Variants in NBAS observed in about 807,000 individuals in gnomAD.
The protein encoded by NBAS is NAG/BC035112 fusion.
A neutral mutation model predicts 302.5 loss-of-function variants in NBAS; 219 were observed. That is an observed-to-expected ratio of 0.72 (90% confidence interval 0.65 to 0.81). The LOEUF is 0.81. Ranked by LOEUF, NBAS falls within the 30% of genes least tolerant of loss-of-function variation. The pLI, the probability that NBAS is intolerant of heterozygous loss-of-function variation, is 0.00. For synonymous variants in NBAS, 1,118 were observed against 1,021.6 expected (o/e 1.09, Z -1.80); for missense variants, 2,932 against 2,841.6 (o/e 1.03, Z -0.72).
the NBAS span, among the ~76,000 whole-genome samples, chr2:15,055,303 G>A: frequency 6.6e-6 from 1 of 152,210 alleles, no homozygotes; most frequent in Non-Finnish European, 1.5e-5. Flanking sequence ...GAGGAAGACT[G>A]AGATAAGAAC....
At chr2:14,982,167 G>A in the NBAS span, among the ~76,000 whole-genome samples, 1 of 152,152 alleles carries the variant, frequency 6.6e-6, no homozygotes, top group Non-Finnish European at 1.5e-5. Flanking sequence ...ATGCATAGCT[G>A]CTCTGGTTGA....
the NBAS span, among the ~76,000 whole-genome samples, chr2:14,958,060 G>A: frequency 6.6e-6 from 1 of 152,226 alleles, no homozygotes; most frequent in Non-Finnish European, 1.5e-5. Context: ...CATATGGTGA[G>A]TTTGCCTTGT....
downstream of NBAS, among the ~76,000 whole-genome samples, chr2:15,166,059 G>C (rs1332250696): frequency 6.6e-6 from 1 of 152,180 alleles, no homozygotes; most frequent in Non-Finnish European, 1.5e-5. Flanking sequence ...GAGTCTCAGG[G>C]GGGGCGAAGT....
the NBAS span, among the ~76,000 whole-genome samples, chr2:14,783,982 G>A: frequency 6.6e-6 from 1 of 151,922 alleles, no homozygotes; most frequent in Non-Finnish European, 1.5e-5. Flanking sequence ...TCCAGCACCT[G>A]TTGTTTCCTG....
chr2:15,380,292 C>T (rs1674968676), intron 29 of NBAS, among the ~76,000 whole-genome samples: 1 of 152,064 alleles, frequency 6.6e-6, no homozygotes, highest in South Asian at 2.1e-4. Flanking sequence ...TGTCCATAGG[C>T]TGGTCTCAAA....
At chr2:15,107,060 A>C in the NBAS span, among the ~76,000 whole-genome samples, 2 of 152,134 alleles carry the variant, frequency 1.3e-5, no homozygotes, top group African/African-American at 4.8e-5. Flanking sequence ...TCTGGTTCCA[A>C]AAGAAAAATA....
chr2:14,965,574 C>G, the NBAS span, among the ~76,000 whole-genome samples: 70 of 152,256 alleles, frequency 4.6e-4, no homozygotes, highest in Middle Eastern at 3.4e-3. Context: ...AATGGCTACA[C>G]TGGAGAATTC....
the NBAS span, among the ~76,000 whole-genome samples, chr2:14,846,937 G>C: frequency 6.6e-6 from 1 of 151,932 alleles, no homozygotes; most frequent in Non-Finnish European, 1.5e-5. Flanking sequence ...AAAACAAATA[G>C]CAAAAAGGCA....
chr2:14,918,569 C>T, the NBAS span, among the ~76,000 whole-genome samples: 3 of 152,172 alleles, frequency 2.0e-5, no homozygotes, highest in African/African-American at 7.2e-5. Flanking sequence ...AGACCATTAA[C>T]CCAGATGCAA....
intron 44 of NBAS, among the ~76,000 whole-genome samples, chr2:15,271,215 T>C (rs1669306068): frequency 6.6e-6 from 1 of 152,150 alleles, no homozygotes. Flanking sequence ...CTTATGCTGT[T>C]TTCATAACTC....
At chr2:15,539,546 C>T (rs1663696162) in intron 6 of NBAS, among the ~76,000 whole-genome samples, 190 bp from the exon 7 acceptor site, 1 of 152,174 alleles carries the variant, frequency 6.6e-6, no homozygotes, top group South Asian at 2.1e-4. Flanking sequence ...GTGGGAAATA[C>T]AAACCACTGC....
chr2:14,829,860 G>A, the NBAS span, among the ~76,000 whole-genome samples: 17 of 152,304 alleles, frequency 1.1e-4, no homozygotes, highest in East Asian at 1.9e-3. Context: ...TGTGGTTTCC[G>A]AACGTGGCTG....
intron 7 of NBAS, 50 bp downstream of exon 7, chr2:15,539,173 C>A (rs1490525105): frequency 6.2e-7 from 1 of 1,608,592 alleles, no homozygotes; most frequent in African/African-American, 1.3e-5. Flanking sequence ...AGTACCTATA[C>A]ATACATGACA....
intron 36 of NBAS, among the ~76,000 whole-genome samples, chr2:15,330,106 T>C (rs1216959359): frequency 1.3e-5 from 2 of 152,106 alleles, no homozygotes; most frequent in South Asian, 2.1e-4. Context: ...CTGCTAATAG[T>C]TGTATGTTTT....
intron 30 of NBAS, among the ~76,000 whole-genome samples, chr2:15,378,870 A>C (rs1318404603): frequency 6.6e-6 from 1 of 152,218 alleles, no homozygotes; most frequent in Non-Finnish European, 1.5e-5. Flanking sequence ...ATCTTTTTTA[A>C]GCTTTTAAGA....
chr2:15,132,172 A>T, the NBAS span, among the ~76,000 whole-genome samples: 2 of 152,246 alleles, frequency 1.3e-5, no homozygotes, highest in Non-Finnish European at 2.9e-5. Context: ...CTTGGAAGCA[A>T]CCAAGGTGTC....
the NBAS span, among the ~76,000 whole-genome samples, chr2:15,140,549 T>G: frequency 4.1e-4 from 62 of 152,338 alleles, no homozygotes; most frequent in African/African-American, 1.4e-3. Flanking sequence ...CAGAGGTTTG[T>G]TCAGGGTTAT....
intron 35 of NBAS, among the ~76,000 whole-genome samples, chr2:15,335,639 T>A (rs1672549171): frequency 6.6e-6 from 1 of 152,216 alleles, no homozygotes; most frequent in Non-Finnish European, 1.5e-5. Flanking sequence ...TTTTGTCAAG[T>A]GTCTGTTTGA....
chr2:15,542,092 C>T (rs1448851104), intron 6 of NBAS, among the ~76,000 whole-genome samples: 1 of 84,216 alleles, frequency 1.2e-5, no homozygotes, highest in Non-Finnish European at 2.8e-5. Flanking sequence ...AAGTGAGGAG[C>T]CCCTCTGCCT....
Sources: allele counts gnomAD v4.1 joint callset (sites outside exome capture counted in the v4.1 genomes callset), GRCh38; gene constraint gnomAD v4.1.1; transcripts MANE v1.5; gene names NCBI Gene and HGNC (gene_info 2026-07-23, HGNC 2026-07-21).